The following ZNF776 variants were observed in gnomAD, a reference collection of about 807,000 sequenced individuals.
ZNF776 encodes zinc finger protein 776.
In ZNF776, 4 loss-of-function variants were observed where a neutral mutation model predicts 7.0. The ratio of observed to expected loss-of-function variants is 0.57; its 90% CI spans 0.28 to 1.31. ZNF776 has a LOEUF of 1.31. ZNF776 is among the 50% of genes most tolerant of loss of function. ZNF776 has a pLI of 0.10. For synonymous variants in ZNF776, 212 were observed against 213.7 expected (o/e 0.99, Z 0.07); for missense variants, 555 against 625.9 (o/e 0.89, Z 1.21).
rs763316732 is a variant in ZNF776, at chr19:57,754,603, A to G, written c.1473A>G (p.Gly491=). Residue 491 remains glycine, a synonymous_variant, in exon 3 of 3, where the codon GGA becomes GGG. Coordinates refer to ENST00000317178, the MANE Select transcript of ZNF776 (RefSeq NM_173632.4). The stretch of plus-strand genomic sequence containing the variant: ...CTGGAGAAAGGCCACATGAGTGTGG[A>G]GAATGTGGAAAGTGTTTTCGTCAAA... The part of the protein sequence containing the change: ...IHSGERPHEC[G]ECGKCFRQKG... 2.5e-6 allele frequency: 4 copies of G among 1,613,966 alleles called. No individual in the cohort carries two copies.
At position 57,755,728 on chromosome 19, in the gene ZNF776, A is replaced by G. The variant is rs1035431445; in HGVS notation, c.*1041A>G. On this transcript the variant is annotated 3_prime_UTR_variant, in exon 3 of 3. Coordinates refer to ENST00000317178, the MANE Select transcript of ZNF776 (RefSeq NM_173632.4). Reference sequence around the variant, plus strand: ...CTGTATTGCATTTCTTATCCTGCGTATGTCCTTGCCAGATTTATTTCATTC... The same window carrying G: ...CTGTATTGCATTTCTTATCCTGCGTGTGTCCTTGCCAGATTTATTTCATTC... 15 of 152,278 alleles carry G rather than the reference A, an allele frequency of 9.9e-5. No homozygotes were observed. Among genetic ancestry groups the G allele is most frequent in the African/African-American group, 3.1e-4 (13 of 41,558 alleles). 9.4% of individuals were successfully genotyped at this position (152,278 alleles called of 1,614,324 possible). A position where few individuals can be genotyped will look rare whatever the true frequency, so the allele number is the denominator to read the frequency against.
intron 2 of ZNF776, among the ~76,000 whole-genome samples, chr19:57,751,319 G>A (rs538624126): frequency 1.3e-5 from 2 of 151,964 alleles, no homozygotes; most frequent in East Asian, 3.9e-4. Flanking sequence ...TGCACCATAG[G>A]TTGTTCTTGC....
intron 1 of ZNF776, among the ~76,000 whole-genome samples, chr19:57,748,888 C>T (rs189873414): frequency 1.2e-4 from 18 of 152,028 alleles, no homozygotes; most frequent in Admixed American, 8.5e-4. Context: ...TTTCATTACA[C>T]GTGCTGAATA....
At position 57,754,793 on chromosome 19, in the gene ZNF776, A is replaced by G. The variant is rs1986728764; in HGVS notation, c.*106A>G. 1 of 1,215,756 alleles carries G rather than the reference A, an allele frequency of 8.2e-7. No homozygotes were observed. Among genetic ancestry groups the G allele is most frequent in the Middle Eastern group, 2.2e-4 (1 of 4,560 alleles). The allele number at this position is 1,215,756 out of a possible 1,614,324, so 75.3% of individuals were successfully genotyped here. The stretch of plus-strand genomic sequence containing the variant: ...GAGAATGTGCAAAATCATCTAGCCA[A>G]AAGGTTGGCCTCATTCAACAATAGC... On this transcript the variant is annotated 3_prime_UTR_variant, in exon 3 of 3. Transcript: ENST00000317178.
intron 2 of ZNF776, 59 bp from the exon 3 acceptor site, chr19:57,753,232 C>A: frequency 6.6e-7 from 1 of 1,520,814 alleles, no homozygotes; most frequent in Non-Finnish European, 9.0e-7. Context: ...TCAGGTATGG[C>A]TTAGTAATAC....
In ZNF776 at chr19:57,754,744, C is replaced by T; in HGVS notation, c.*57C>T. The T allele has an allele frequency of 6.5e-7, 1 of 1,532,698 alleles. No individual in the cohort carries two copies. Among genetic ancestry groups the T allele is most frequent in the Non-Finnish European group, 8.9e-7 (1 of 1,127,494 alleles). The allele number at this position is 1,532,698 out of a possible 1,614,324, so 94.9% of individuals were successfully genotyped here. A position where few individuals can be genotyped will look rare whatever the true frequency, so the allele number is the denominator to read the frequency against. The stretch of plus-strand genomic sequence containing the variant: ...CCCTCATTCAACATTCGTGAGATCA[C>T]ACTGGAAAGCACTTATGAGTATGGA... On this transcript the variant is annotated 3_prime_UTR_variant, in exon 3 of 3. Transcript: ENST00000317178.
Position 57,753,347 on chromosome 19 carries a change from C to T in ZNF776, c.217C>T (p.Gln73Ter). The T allele has an allele frequency of 6.2e-7, 1 of 1,614,196 alleles. No homozygotes were observed. The highest frequency in any genetic ancestry group is 8.5e-7 in the Non-Finnish European group (1 of 1,180,036). Reference sequence around the variant, plus strand: ...TTCTAAGCAGACCCTTTCTATACAACAGGAGTCCCCACTCAGGACACATTG... The same window carrying T: ...TTCTAAGCAGACCCTTTCTATACAATAGGAGTCCCCACTCAGGACACATTG... ...TPSKQTLSIQ[Q>*]ESPLRTHWTG... The change falls in exon 3 of 3, where the codon CAG (glutamine) becomes TAG (stop). Residue 73 changes from glutamine (Q) to a stop codon, truncating the protein, a stop_gained. Coordinates refer to ENST00000317178, the MANE Select transcript of ZNF776 (RefSeq NM_173632.4). LOFTEE classifies it low-confidence loss of function (END_TRUNC).
At position 57,753,887 on chromosome 19, in the gene ZNF776, AATC is replaced by A. The variant is rs1202263165; in HGVS notation, c.762_764del (p.His254del). On this transcript the variant is annotated inframe_deletion, in exon 3 of 3. Transcript: ENST00000317178. The stretch of plus-strand genomic sequence containing the variant: ...CACTAGCAAAAGTAATAGTTTTAAT[AATC>A]ATCAGGGAGTTCGCACTGGAAAAAG... The A allele has an allele frequency of 6.2e-7, 1 of 1,614,254 alleles. No homozygotes were observed. Among genetic ancestry groups the A allele is most frequent in the Non-Finnish European group, 8.5e-7 (1 of 1,180,044 alleles).
At chr19:57,751,547 A>T (rs1032006584) in intron 2 of ZNF776, among the ~76,000 whole-genome samples, 1 of 151,896 alleles carries the variant, frequency 6.6e-6, no homozygotes, top group Admixed American at 6.6e-5. Context: ...TTTATTTTTA[A>T]TAGAGATGAG....
At position 57,755,009 on chromosome 19, in the gene ZNF776, A is replaced by G. The variant is rs1367127646; in HGVS notation, c.*322A>G. On this transcript the variant is annotated 3_prime_UTR_variant, in exon 3 of 3. Transcript: ENST00000317178. ...ACTGAGTTCACAGTTGAGAAAGGCC[A>G]TATGACTGTAAGGAATTTGTAAAAT... 1.0e-4 allele frequency: 31 copies of G among 300,312 alleles called. No individual in the cohort carries two copies. The highest frequency in any genetic ancestry group is 1.9e-4 in the Non-Finnish European group (30 of 160,802). 18.6% of individuals were successfully genotyped at this position (300,312 alleles called of 1,614,324 possible).
Position 57,754,172 on chromosome 19 carries a change from T to C in ZNF776, c.1042T>C (p.Tyr348His), listed in dbSNP as rs1986698485. Residue 348 changes from tyrosine to histidine, a missense_variant, in exon 3 of 3, where the codon TAT becomes CAT. Coordinates refer to ENST00000317178, the MANE Select transcript of ZNF776 (RefSeq NM_173632.4). ...HQRVHTGERP[Y>H]QCGECGKSFN... ...GCGAGTTCACACTGGAGAAAGACCTTATCAGTGTGGAGAATGTGGGAAATC... is the reference window on the plus strand; with the variant it reads ...GCGAGTTCACACTGGAGAAAGACCTCATCAGTGTGGAGAATGTGGGAAATC... The C allele has an allele frequency of 6.2e-7, 1 of 1,614,126 alleles. No individual in the cohort carries two copies. The highest frequency in any genetic ancestry group is 8.5e-7 in the Non-Finnish European group (1 of 1,179,992).
chr19:57,750,802 A>G lies in ZNF776; in HGVS notation c.51A>G (p.Glu17=). 6.2e-7 allele frequency: 1 copy of G among 1,612,560 alleles called. No homozygotes were observed. Among genetic ancestry groups the G allele is most frequent in the Non-Finnish European group, 8.5e-7 (1 of 1,179,044 alleles). ...RPPAQGTVTF[E]DVAVNFSQEE... is the part of the protein sequence containing the mutation. The stretch of plus-strand genomic sequence containing the variant: ...CACGGCAGGGCACTGTGACCTTTGA[A>G]GATGTGGCTGTGAACTTTTCCCAGG... Residue 17 remains glutamate (E), a synonymous_variant, in exon 2 of 3, where the codon GAA becomes GAG. Transcript: ENST00000317178.
rs1289706504 is a variant in ZNF776, at chr19:57,756,660, T to C, written c.*1973T>C. On this transcript the variant is annotated 3_prime_UTR_variant, in exon 3 of 3. Transcript: ENST00000317178. ...AAATCAACCTGAGTAGGGGACAGTT[T>C]TAGTGACACACTTTGGTGCTTCTGA... 4 of 185,748 alleles carry C rather than the reference T, an allele frequency of 2.2e-5. No individual in the cohort carries two copies. Among genetic ancestry groups the C allele is most frequent in the African/African-American group, 7.1e-5 (3 of 42,060 alleles). 11.5% of individuals were successfully genotyped at this position (185,748 alleles called of 1,614,324 possible). A position where few individuals can be genotyped will look rare whatever the true frequency, so the allele number is the denominator to read the frequency against.
chr19:57,753,815 C>T lies in ZNF776; in HGVS notation c.685C>T (p.Leu229Phe). 1 of 1,614,212 alleles carries T rather than the reference C, an allele frequency of 6.2e-7. No individual in the cohort carries two copies. Among genetic ancestry groups the T allele is most frequent in the Non-Finnish European group, 8.5e-7 (1 of 1,180,028 alleles). ...NKHSLVLHQR[L>F]LPREGPYVCS... ...ACACTCACTTGTCCTTCACCAGAGA[C>T]TTCTCCCTAGAGAAGGACCTTATGT... The change falls in exon 3 of 3, where the codon CTT becomes TTT. Residue 229 changes from leucine to phenylalanine, a missense_variant. Coordinates refer to ENST00000317178, the MANE Select transcript of ZNF776 (RefSeq NM_173632.4).
rs774544930 is a variant in ZNF776, at chr19:57,754,059, A to G, written c.929A>G (p.His310Arg). ...AGTCATAAGCACAGTCTTGTTGACC[A>G]TCAGCGAGTTCACACTGGAGAAAGA... ...SFSHKHSLVDHQRVHTGERPY... is the reference protein window; with the variant it reads ...SFSHKHSLVDRQRVHTGERPY... The change falls in exon 3 of 3, where the codon CAT becomes CGT. Residue 310 changes from histidine (H) to arginine (R), a missense_variant. Transcript: ENST00000317178. 1.2e-6 allele frequency: 2 copies of G among 1,614,138 alleles called. No individual in the cohort carries two copies. The highest frequency in any genetic ancestry group is 1.1e-5 in the South Asian group (1 of 91,080).
chr19:57,754,148 C>T lies in ZNF776; in HGVS notation c.1018C>T (p.Arg340Ter), dbSNP rs924404866. The T allele has an allele frequency of 9.3e-6, 15 of 1,612,830 alleles. No individual in the cohort carries two copies. Among genetic ancestry groups the T allele is most frequent in the Admixed American group, 3.3e-5 (2 of 59,882 alleles). Residue 340 changes from arginine to a stop codon, truncating the protein, a stop_gained, in exon 3 of 3, where the codon CGA becomes TGA. Transcript: ENST00000317178. LOFTEE classifies it low-confidence loss of function (END_TRUNC). The stretch of plus-strand genomic sequence containing the variant: ...TAAGCGCAGCCTTGTTCACCACCAG[C>T]GAGTTCACACTGGAGAAAGACCTTA... The part of the protein sequence containing the change: ...SHKRSLVHHQ[R>*]VHTGERPYQC...
intron 1 of ZNF776, among the ~76,000 whole-genome samples, chr19:57,748,963 G>T (rs1986522584): frequency 6.6e-6 from 1 of 151,548 alleles, no homozygotes. Flanking sequence ...TTAAAAACAG[G>T]ACTTTTTTTT....
At chr19:57,750,333 A>G (rs1986562557) in intron 1 of ZNF776, among the ~76,000 whole-genome samples, 1 of 151,962 alleles carries the variant, frequency 6.6e-6, no homozygotes, top group African/African-American at 2.4e-5. Flanking sequence ...TCGGGAGGCT[A>G]AGGCCAGAGA....
At chr19:57,747,634 T>TA (rs1986476891) in intron 1 of ZNF776, among the ~76,000 whole-genome samples, 1 of 152,152 alleles carries the variant, frequency 6.6e-6, no homozygotes, top group Non-Finnish European at 1.5e-5. Context: ...TTTACCTAGT[T>TA]ACAGGGCCAA....
Sources: gnomAD v4.1 joint callset for allele counts (sites outside exome capture counted in the v4.1 genomes callset) on GRCh38, gnomAD v4.1.1 for gene constraint, MANE v1.5 for transcripts, NCBI Gene and HGNC (gene_info 2026-07-23, HGNC 2026-07-21) for gene names.